The following CSGALNACT1 variants were observed in gnomAD, a reference collection of about 807,000 sequenced individuals.
CSGALNACT1 encodes chondroitin sulfate N-acetylgalactosaminyltransferase 1.
In CSGALNACT1, 52 loss-of-function variants were observed where a neutral mutation model predicts 51.0. That is an observed-to-expected ratio of 1.02 (90% CI 0.82 to 1.29). The LOEUF (loss-of-function observed/expected upper bound fraction) is 1.29. Among genes scored for constraint, CSGALNACT1 ranks in the 50% most tolerant of loss-of-function variants. The pLI is 0.00. For missense variants in CSGALNACT1, 935 were observed against 679.2 expected (o/e 1.38, Z -4.19); for synonymous variants, 341 against 254.4 (o/e 1.34, Z -3.24).
chr8:19,505,058 TACC>T, intron 4 of CSGALNACT1, 140 bp downstream of exon 3: 2 of 820,624 alleles, frequency 2.4e-6, no homozygotes, highest in Non-Finnish European at 4.1e-6. Context: ...AGCCATGCCG[TACC>T]TTTTGGTGTC....
At chr8:19,462,044 G>T (rs2065671420) in intron 4 of CSGALNACT1, among the ~76,000 whole-genome samples, 1 of 152,074 alleles carries the variant, frequency 6.6e-6, no homozygotes, top group South Asian at 2.1e-4. Context: ...GCCGTGGAGG[G>T]TGTATCTGCA....
At chr8:19,550,685 A>T (rs2154081874) in intron 3 of CSGALNACT1, among the ~76,000 whole-genome samples, 1 of 152,236 alleles carries the variant, frequency 6.6e-6, no homozygotes, top group African/African-American at 2.4e-5. Flanking sequence ...TCACTGGGTG[A>T]GGACATAGCC....
At chr8:19,641,314 G>T (rs2056724110) in intron 1 of CSGALNACT1, among the ~76,000 whole-genome samples, 1 of 151,978 alleles carries the variant, frequency 6.6e-6, no homozygotes, top group Admixed American at 6.6e-5. Context: ...ATAACAGATG[G>T]AAGTTAGTTG....
chr8:19,754,226 C>T (rs2065220621), intron 1 of CSGALNACT1, among the ~76,000 whole-genome samples: 1 of 152,020 alleles, frequency 6.6e-6, no homozygotes, highest in African/African-American at 2.4e-5. Flanking sequence ...TGGGGTTTCG[C>T]CCTGTTGGCC....
chr8:19,588,458 C>T (rs1325207261), intron 3 of CSGALNACT1, among the ~76,000 whole-genome samples: 2 of 152,132 alleles, frequency 1.3e-5, no homozygotes, highest in African/African-American at 2.4e-5. Flanking sequence ...AGAAAGAATT[C>T]AGTGATTTAT....
At chr8:19,495,042 G>C (rs140197212) in intron 4 of CSGALNACT1, 1 of 152,140 alleles carries the variant, frequency 6.6e-6, no homozygotes, top group Non-Finnish European at 1.5e-5. Flanking sequence ...TACTCACTCC[G>C]AAGAACAACA....
intron 1 of CSGALNACT1, among the ~76,000 whole-genome samples, chr8:19,711,591 A>G (rs2062507830): frequency 6.6e-6 from 1 of 152,204 alleles, no homozygotes; most frequent in Non-Finnish European, 1.5e-5. Flanking sequence ...TATATTTCAG[A>G]AATGTACTTG....
At chr8:19,438,610 C>T (rs2060782973) in intron 6 of CSGALNACT1, among the ~76,000 whole-genome samples, 1 of 152,188 alleles carries the variant, frequency 6.6e-6, no homozygotes, top group Admixed American at 6.5e-5. Context: ...AGACAGTAAA[C>T]AGTTTAGGCT....
chr8:19,404,745 A>G (rs2053826905), exon 10 of CSGALNACT1: 1 of 454,388 alleles, frequency 2.2e-6, no homozygotes, highest in Admixed American at 2.4e-5. Flanking sequence ...AGCGGTCCCT[A>G]CTTCTGAGGA....
intron 6 of CSGALNACT1, among the ~76,000 whole-genome samples, chr8:19,436,201 A>G (rs985749266): frequency 2.0e-5 from 3 of 152,266 alleles, no homozygotes; most frequent in Non-Finnish European, 4.4e-5. Flanking sequence ...AGCTGGATTT[A>G]AAACAGCTTA....
chr8:19,498,743 T>A (rs1399812421), intron 4 of CSGALNACT1, among the ~76,000 whole-genome samples: 2 of 152,184 alleles, frequency 1.3e-5, no homozygotes, highest in African/African-American at 2.4e-5. Flanking sequence ...TGACCTCCCA[T>A]AACATCACAA....
At chr8:19,645,926 T>G (rs1275981918) in intron 1 of CSGALNACT1, among the ~76,000 whole-genome samples, 1 of 152,012 alleles carries the variant, frequency 6.6e-6, no homozygotes, top group Non-Finnish European at 1.5e-5. Context: ...AAGGAATGGG[T>G]AAACGGTAAA....
chr8:19,559,574 C>A (rs2040238836), intron 3 of CSGALNACT1, among the ~76,000 whole-genome samples: 1 of 152,100 alleles, frequency 6.6e-6, no homozygotes, highest in African/African-American at 2.4e-5. Flanking sequence ...AATACATTCA[C>A]AGATAAGCTG....
intron 4 of CSGALNACT1, among the ~76,000 whole-genome samples, chr8:19,472,875 A>G (rs2068528419): frequency 6.6e-6 from 1 of 152,230 alleles, no homozygotes; most frequent in East Asian, 1.9e-4. Flanking sequence ...ATACTTCTTC[A>G]TAGGGTTACT....
rs145776878 is a variant in CSGALNACT1, at chr8:19,724,796, C to T, written c.-297+33054G>A. Among the ~76,000 whole-genome samples the T allele has an allele frequency of 2.6e-3, 402 of 152,348 alleles. 1 individual carries two copies. Among genetic ancestry groups the T allele is most frequent in the African/African-American group, 9.3e-3 (388 of 41,576 alleles). On this transcript the variant is annotated intron_variant, in intron 1 of 1. Transcript: ENST00000517494. ...GCCTTGTGGGTTTCATGCACAGACA[C>T]AGTGCATCCTCTGCGTGTTGTTGCC...
upstream of CSGALNACT1, among the ~76,000 whole-genome samples, chr8:19,605,374 C>T (rs903517459): frequency 6.6e-5 from 10 of 151,978 alleles, no homozygotes; most frequent in Non-Finnish European, 8.8e-5. Flanking sequence ...AGGTGGAGGT[C>T]GCAGTGAGCT....
intron 1 of CSGALNACT1, among the ~76,000 whole-genome samples, chr8:19,617,370 A>G (rs1025630556): frequency 6.6e-6 from 1 of 152,144 alleles, no homozygotes; most frequent in Non-Finnish European, 1.5e-5. Context: ...AGGACTCCTG[A>G]ATTAAACCTC....
chr8:19,509,348 G>A (rs1206220388), intron 3 of CSGALNACT1, among the ~76,000 whole-genome samples: 6 of 152,040 alleles, frequency 3.9e-5, no homozygotes, highest in Non-Finnish European at 1.5e-5. Context: ...GGCCGGGCAC[G>A]GTGGCTCACA....
At chr8:19,639,473 T>C (rs1024521428) in intron 1 of CSGALNACT1, among the ~76,000 whole-genome samples, 1 of 152,240 alleles carries the variant, frequency 6.6e-6, no homozygotes, top group Non-Finnish European at 1.5e-5. Flanking sequence ...TAAAATCTAC[T>C]GTATCACATG....
Sources: allele counts gnomAD v4.1 joint callset (sites outside exome capture counted in the v4.1 genomes callset), GRCh38; gene constraint gnomAD v4.1.1; transcripts MANE v1.5; gene names NCBI Gene and HGNC (gene_info 2026-07-23, HGNC 2026-07-21).